The following ZNF738 variants were observed in gnomAD, a reference collection of about 807,000 sequenced individuals.
ZNF738 encodes zinc finger protein 738.
In ZNF738, 10 loss-of-function variants were observed where a neutral mutation model predicts 9.2. The ratio of observed to expected loss-of-function variants is 1.09; its 90% CI spans 0.67 to 1.85. ZNF738 has a LOEUF of 1.85. Ranked by LOEUF, ZNF738 falls within the 40% of genes most tolerant of loss-of-function variation. The probability of loss-of-function intolerance (pLI) is 0.00; values close to 1 mark genes in which losing one functional copy is unlikely to be tolerated. For missense variants in ZNF738, 346 were observed against 283.6 expected, an observed-to-expected ratio of 1.22 and a Z score of -1.58; for synonymous variants, 113 against 94.5, an observed-to-expected ratio of 1.20 and a Z score of -1.14.
At chr19:21,360,884 C>CG (rs1973679569) in intron 1 of ZNF738, among the ~76,000 whole-genome samples, 1 of 150,528 alleles carries the variant, frequency 6.6e-6, no homozygotes, top group South Asian at 2.1e-4. Context: ...GGCACATTCT[C>CG]GGCTCACCAC....
intron 2 of ZNF738, among the ~76,000 whole-genome samples, chr19:21,367,782 A>G (rs1355173883): frequency 1.3e-5 from 2 of 152,076 alleles, no homozygotes; most frequent in Non-Finnish European, 2.9e-5. Flanking sequence ...AAACACACCC[A>G]CTAGACATTG....
At chr19:21,359,194 C>A in intron 1 of ZNF738, 51 bp downstream of exon 1, 3 of 1,051,436 alleles carry the variant, frequency 2.9e-6, no homozygotes, top group Non-Finnish European at 3.0e-6. Flanking sequence ...CTGGTTGGAA[C>A]CGGTGGGAAG....
At position 21,384,115 on chromosome 19, in the gene ZNF738, T is replaced by A. The variant is rs1974039093; in HGVS notation, c.*441T>A. On this transcript the variant is annotated 3_prime_UTR_variant, in exon 5 of 5. Coordinates refer to ENST00000683779, the MANE Select transcript of ZNF738 (RefSeq NM_001355237.2). ...GAATGTGGCAAAGCTTTCTACCGAT[T>A]ATCTTATCTTACTACACATAAGATG... 6.6e-7 allele frequency: 1 copy of A among 1,508,396 alleles called. No homozygotes were observed. Among genetic ancestry groups the A allele is most frequent in the Non-Finnish European group, 9.2e-7 (1 of 1,089,346 alleles). The allele number at this position is 1,508,396 out of a possible 1,614,324, so 93.4% of individuals were successfully genotyped here.
chr19:21,370,339 GT>G (rs2145227004), intron 2 of ZNF738, among the ~76,000 whole-genome samples: 1 of 152,180 alleles, frequency 6.6e-6, no homozygotes, highest in South Asian at 2.1e-4. Flanking sequence ...TTGGCCTCAA[GT>G]TTTCTATTTT....
At chr19:21,379,649 T>A (rs1973981548) in intron 4 of ZNF738, among the ~76,000 whole-genome samples, 1 of 152,160 alleles carries the variant, frequency 6.6e-6, no homozygotes, top group Non-Finnish European at 1.5e-5. Flanking sequence ...CAAAGGCCCC[T>A]ACAAGCAAGC....
At position 21,386,637 on chromosome 19, in the gene ZNF738, C is replaced by T. The variant is rs143171350; in HGVS notation, c.*2963C>T. 312 of 233,388 alleles carry T rather than the reference C, an allele frequency of 1.3e-3. 1 individual carries two copies. Among genetic ancestry groups the T allele is most frequent in the African/African-American group, 6.6e-3 (287 of 43,250 alleles). 14.5% of individuals were successfully genotyped at this position (233,388 alleles called of 1,614,324 possible). On this transcript the variant is annotated 3_prime_UTR_variant, in exon 5 of 5. Coordinates refer to ENST00000683779, the MANE Select transcript of ZNF738 (RefSeq NM_001355237.2). ...TAACCAGTCCTCAATTCTTACCAAA[C>T]ATAAGAAAATTCATATTGGAGATTA...
At chr19:21,374,642 T>C (rs1156322093) in intron 2 of ZNF738, among the ~76,000 whole-genome samples, 1 of 152,226 alleles carries the variant, frequency 6.6e-6, no homozygotes, top group Non-Finnish European at 1.5e-5. Context: ...AGGTTTTCTT[T>C]GCATATGTCT....
At position 21,383,571 on chromosome 19, in the gene ZNF738, A is replaced by C; in HGVS notation, c.1025A>C (p.Lys342Thr). 1.9e-6 allele frequency: 2 copies of C among 1,029,670 alleles called. No individual in the cohort carries two copies. The highest frequency in any genetic ancestry group is 3.0e-6 in the Non-Finnish European group (2 of 664,382). The allele number at this position is 1,029,670 out of a possible 1,614,324, so 63.8% of individuals were successfully genotyped here. The change falls in exon 5 of 5, where the codon AAA (lysine) becomes ACA (threonine). Residue 342 changes from lysine (K) to threonine (T), a missense_variant. Coordinates refer to ENST00000683779, the MANE Select transcript of ZNF738 (RefSeq NM_001355237.2). ...TKHKIIHTGEKPYKCEECGKA... is the reference protein window; with the variant it reads ...TKHKIIHTGETPYKCEECGKA... ...CATAAGATAATTCATACTGGAGAGA[A>C]ACCCTACAAATGTGAGGAATGTGGC... is the stretch of plus-strand genomic sequence containing the variant.
At chr19:21,378,684 C>T (rs950659111) in intron 4 of ZNF738, 1 of 391,474 alleles carries the variant, frequency 2.6e-6, no homozygotes, top group Non-Finnish European at 5.4e-6. Context: ...TTTCACCTCG[C>T]TGTGTCCCAG....
chr19:21,373,131 A>G (rs930823633), intron 2 of ZNF738, among the ~76,000 whole-genome samples: 1 of 152,206 alleles, frequency 6.6e-6, no homozygotes, highest in Non-Finnish European at 1.5e-5. Flanking sequence ...ATCACATTAC[A>G]TAAAGTGGGA....
chr19:21,366,798 A>T (rs753557721), intron 2 of ZNF738, among the ~76,000 whole-genome samples: 1 of 152,110 alleles, frequency 6.6e-6, no homozygotes, highest in African/African-American at 2.4e-5. Flanking sequence ...CTCTCATGGC[A>T]CTGGTGGGAG....
In ZNF738 at chr19:21,384,260, A is replaced by G. The variant is rs1974040879; in HGVS notation, c.*586A>G. Among the ~76,000 whole-genome samples the G allele has an allele frequency of 1.3e-5, 2 of 152,212 alleles. 1 individual carries two copies. The highest frequency in any genetic ancestry group is 4.1e-4 in the South Asian group (2 of 4,826). Reference sequence around the variant, plus strand: ...GTGAGAAACCCTACAAATGTGAAGAATGTGGCAAAGCCTTTAGTGTATTCT... The same window carrying G: ...GTGAGAAACCCTACAAATGTGAAGAGTGTGGCAAAGCCTTTAGTGTATTCT... On this transcript the variant is annotated 3_prime_UTR_variant, in exon 5 of 5. Transcript: ENST00000683779.
chr19:21,383,722 A>T lies in ZNF738; in HGVS notation c.*48A>T. 2 of 1,054,100 alleles carry T rather than the reference A, an allele frequency of 1.9e-6. No individual in the cohort carries two copies. Among genetic ancestry groups the T allele is most frequent in the South Asian group, 1.2e-5 (1 of 80,258 alleles). 65.3% of individuals were successfully genotyped at this position (1,054,100 alleles called of 1,614,324 possible). On this transcript the variant is annotated 3_prime_UTR_variant, in exon 5 of 5. Transcript: ENST00000683779. Reference sequence around the variant, plus strand: ...TCGCAACCCTTACTAGACATAAGATAATTCATACTGAAGAGAAACCCTACA... The same window carrying T: ...TCGCAACCCTTACTAGACATAAGATTATTCATACTGAAGAGAAACCCTACA...
chr19:21,377,312 A>T, intron 4 of ZNF738: 1 of 555,468 alleles, frequency 1.8e-6, no homozygotes, highest in South Asian at 2.2e-5. Context: ...ATCTAAAAAA[A>T]AAAAAAATTG....
At position 21,361,837 on chromosome 19, in the gene ZNF738, G is replaced by A. The variant is rs1224018438; in HGVS notation, c.75G>A (p.Leu25=). The A allele has an allele frequency of 5.1e-6, 4 of 780,286 alleles. No individual in the cohort carries two copies. The highest frequency in any genetic ancestry group is 1.7e-5 in the Admixed American group (1 of 58,930). 48.3% of individuals were successfully genotyped at this position (780,286 alleles called of 1,614,324 possible). Residue 25 remains leucine, a synonymous_variant, in exon 2 of 5, where the codon CTG becomes CTA. Coordinates refer to ENST00000683779, the MANE Select transcript of ZNF738 (RefSeq NM_001355237.2). ...SGYPGAERNL[L]EYSYFEKGPL... Reference sequence around the variant, plus strand: ...ACCCTGGGGCTGAGAGGAATCTTCTGGAGTACTCTTATTTTGAAAAGGTAA... The same window carrying A: ...ACCCTGGGGCTGAGAGGAATCTTCTAGAGTACTCTTATTTTGAAAAGGTAA...
intron 2 of ZNF738, among the ~76,000 whole-genome samples, chr19:21,365,872 G>T (rs111891429): frequency 1.6e-4 from 24 of 151,492 alleles, no homozygotes; most frequent in African/African-American, 5.3e-4. Context: ...CAGGAGAATC[G>T]CTTGAACCTG....
At chr19:21,377,640 T>G (rs1973948565) in intron 4 of ZNF738, 3 of 463,716 alleles carry the variant, frequency 6.5e-6, no homozygotes, top group Non-Finnish European at 1.1e-5. Context: ...ATGACAGTTT[T>G]TGACTTAAGA....
Position 21,384,927 on chromosome 19 carries a change from A to T in ZNF738, c.*1253A>T, listed in dbSNP as rs1229332836. Among the ~76,000 whole-genome samples, 1 of 152,222 alleles carries T rather than the reference A, an allele frequency of 6.6e-6. No homozygotes were observed. The highest frequency in any genetic ancestry group is 1.5e-5 in the Non-Finnish European group (1 of 68,048). On this transcript the variant is annotated 3_prime_UTR_variant, in exon 5 of 5. Transcript: ENST00000683779. ...TATTGGAGAATAACACTACAAATGT[A>T]AAAAATGTGGCAAACCTTATAACCA...
intron 4 of ZNF738, among the ~76,000 whole-genome samples, chr19:21,382,464 C>A (rs1392681731): frequency 1.3e-5 from 2 of 151,954 alleles, no homozygotes; most frequent in Non-Finnish European, 2.9e-5. Context: ...GTCTCAATCT[C>A]CTGACCTCAT....
Sources: gnomAD v4.1 joint callset for allele counts (sites outside exome capture counted in the v4.1 genomes callset) on GRCh38, gnomAD v4.1.1 for gene constraint, MANE v1.5 for transcripts, NCBI Gene and HGNC (gene_info 2026-07-23, HGNC 2026-07-21) for gene names.